COX7A2: variants seen among roughly 807,000 people sequenced by gnomAD.
COX7A2 encodes the protein cytochrome c oxidase subunit 7A2.
Under a neutral mutation model 11.6 loss-of-function variants are expected in COX7A2, and 11 were observed. The observed-to-expected ratio is 0.95, with a 90% CI of 0.60 to 1.57. The LOEUF is 1.57. COX7A2 is among the 40% of genes most tolerant of loss of function. The pLI is 0.00. For missense variants in COX7A2, 106 were observed against 100.9 expected, an observed-to-expected ratio of 1.05 and a Z score of -0.22; for synonymous variants, 30 against 38.2, an observed-to-expected ratio of 0.78 and a Z score of 0.79.
intron 2 of COX7A2, 54 bp downstream of exon 2, chr6:75,241,122 C>G: frequency 6.4e-7 from 1 of 1,559,674 alleles, no homozygotes; most frequent in East Asian, 2.3e-5. Context: ...CCAACTCTTA[C>G]CTTTTGGTAA....
intron 3 of COX7A2, among the ~76,000 whole-genome samples, chr6:75,238,704 C>CAAAA (rs35057968): frequency 2.3e-4 from 13 of 55,736 alleles, no homozygotes; most frequent in South Asian, 1.1e-3. Context: ...AACTCCATCT[C>CAAAA]AAAAAAAAAA....
At chr6:75,245,600 C>T (rs967178827), upstream of COX7A2, among the ~76,000 whole-genome samples, 4 of 151,976 alleles carry the variant, frequency 2.6e-5, no homozygotes, top group African/African-American at 9.7e-5. Context: ...ATCATTCCAT[C>T]TATTAACACA....
At chr6:75,238,964 G>A (rs1021567490) in intron 3 of COX7A2, among the ~76,000 whole-genome samples, 22 of 151,848 alleles carry the variant, frequency 1.4e-4, no homozygotes, top group African/African-American at 4.8e-4. Flanking sequence ...GCAAGTGTGT[G>A]CCATCACACC....
Position 75,243,630 on chromosome 6 carries a change from C to G in COX7A2, c.18+87G>C, listed in dbSNP as rs1312275519. On this transcript the variant is annotated intron_variant, in intron 1 of 3. Transcript: ENST00000684430. ...TTCATTAGCCGCCTTCGGCACCCCTCCCAGGTGAGGGTTTTCTGTCGTGGT... is the reference window on the plus strand; with the variant it reads ...TTCATTAGCCGCCTTCGGCACCCCTGCCAGGTGAGGGTTTTCTGTCGTGGT... 11 of 1,327,712 alleles carry G rather than the reference C, an allele frequency of 8.3e-6. No homozygotes were observed. In the Admixed American group the frequency reaches 1.4e-4, roughly 17 times the overall value. The allele number at this position is 1,327,712 out of a possible 1,614,324, so 82.2% of individuals were successfully genotyped here.
intron 2 of COX7A2, 128 bp downstream of exon 2, chr6:75,241,048 C>T: frequency 8.0e-7 from 1 of 1,257,338 alleles, no homozygotes. Flanking sequence ...TGGTACATGT[C>T]CTTGACTTTT....
upstream of COX7A2, among the ~76,000 whole-genome samples, chr6:75,246,479 T>C (rs577636629): frequency 2.0e-5 from 3 of 152,322 alleles, no homozygotes; most frequent in East Asian, 5.8e-4. Flanking sequence ...TCAAAAGCCT[T>C]TTTAACGGGT....
At chr6:75,241,920 C>G (rs769215961) in intron 1 of COX7A2, 1 of 154,444 alleles carries the variant, frequency 6.5e-6, no homozygotes, top group African/African-American at 2.4e-5. Context: ...GCACTCCAGC[C>G]TGGGCAACAA....
chr6:75,248,844 G>A (rs1771733992), intron 1 of COX7A2, among the ~76,000 whole-genome samples: 1 of 152,116 alleles, frequency 6.6e-6, no homozygotes, highest in Admixed American at 6.5e-5. Context: ...AATCTAATTA[G>A]GAATATCATA....
upstream of COX7A2, among the ~76,000 whole-genome samples, chr6:75,247,723 A>G (rs548938121): frequency 6.6e-5 from 10 of 152,204 alleles, no homozygotes; most frequent in Admixed American, 4.6e-4. Flanking sequence ...ATTCATATCT[A>G]AAGGGTCTGG....
chr6:75,244,503 T>C (rs957737648), upstream of COX7A2, among the ~76,000 whole-genome samples: 3 of 152,200 alleles, frequency 2.0e-5, no homozygotes, highest in Admixed American at 6.5e-5. Flanking sequence ...CATTCATTAC[T>C]GGAGTAGAGA....
At chr6:75,249,469 C>T (rs1771747406) in intron 1 of COX7A2, among the ~76,000 whole-genome samples, 1 of 152,188 alleles carries the variant, frequency 6.6e-6, no homozygotes, top group Non-Finnish European at 1.5e-5. Context: ...GTGGTAGTGA[C>T]ATGACTGAAC....
chr6:75,249,812 C>T (rs188653855), intron 1 of COX7A2, among the ~76,000 whole-genome samples: 5 of 152,196 alleles, frequency 3.3e-5, no homozygotes, highest in African/African-American at 1.2e-4. Flanking sequence ...AAATCGGAGC[C>T]CTATTTCAAG....
At chr6:75,247,559 C>T (rs969127481), upstream of COX7A2, among the ~76,000 whole-genome samples, 1 of 149,464 alleles carries the variant, frequency 6.7e-6, no homozygotes, top group Admixed American at 6.8e-5. Flanking sequence ...TTATTAAATA[C>T]TTTAATTGCA....
At chr6:75,248,004 C>T (rs1013980848), upstream of COX7A2, among the ~76,000 whole-genome samples, 1 of 151,968 alleles carries the variant, frequency 6.6e-6, no homozygotes, top group African/African-American at 2.4e-5. Context: ...TGATAAGACA[C>T]ATTTTATAAC....
intron 3 of COX7A2, 84 bp downstream of exon 3, chr6:75,240,217 T>C (rs1489024788): frequency 1.0e-6 from 1 of 1,001,128 alleles, no homozygotes; most frequent in Non-Finnish European, 1.5e-6. Flanking sequence ...TGCATTAAAA[T>C]ACTGGCATAG....
upstream of COX7A2, chr6:75,243,969 C>A: frequency 1.4e-6 from 1 of 707,378 alleles, no homozygotes; most frequent in Non-Finnish European, 2.3e-6. Context: ...CGTTCCTGAC[C>A]TTTTCGATGT....
At chr6:75,242,943 A>T (rs1228031844) in intron 1 of COX7A2, among the ~76,000 whole-genome samples, 1 of 152,236 alleles carries the variant, frequency 6.6e-6, no homozygotes, top group East Asian at 1.9e-4. Flanking sequence ...TGCTTCTCTC[A>T]TTACATTTTT....
intron 3 of COX7A2, among the ~76,000 whole-genome samples, chr6:75,238,406 T>TA (rs1048310285): frequency 6.6e-6 from 1 of 151,556 alleles, no homozygotes; most frequent in South Asian, 2.1e-4. Context: ...AAATGTAATA[T>TA]AAAAAATAGC....
intron 1 of COX7A2, among the ~76,000 whole-genome samples, chr6:75,243,180 G>C (rs1010272943): frequency 6.6e-6 from 1 of 152,068 alleles, no homozygotes; most frequent in Non-Finnish European, 1.5e-5. Flanking sequence ...GTCGATGGAG[G>C]GGTGAAGGAC....
Sources: allele counts gnomAD v4.1 joint callset (sites outside exome capture counted in the v4.1 genomes callset), GRCh38; gene constraint gnomAD v4.1.1; transcripts MANE v1.5; gene names NCBI Gene and HGNC (gene_info 2026-07-23, HGNC 2026-07-21).